SLC20A2: variants seen among roughly 807,000 people sequenced by gnomAD.
The protein encoded by SLC20A2 is solute carrier family 20 member 2.
In SLC20A2, 30 loss-of-function variants were observed where a neutral mutation model predicts 61.0. That is an observed-to-expected ratio of 0.49 (90% CI 0.37 to 0.67). The LOEUF is 0.67. Ranked by LOEUF, SLC20A2 falls within the 30% of genes least tolerant of loss-of-function variation. The pLI is 0.00. For missense variants in SLC20A2, 626 were observed against 866.4 expected, an observed-to-expected ratio of 0.72 and a Z score of 3.48; for synonymous variants, 351 against 353.3, an observed-to-expected ratio of 0.99 and a Z score of 0.07.
intron 1 of SLC20A2, among the ~76,000 whole-genome samples, chr8:42,536,763 T>G (rs773805322): frequency 7.2e-5 from 11 of 152,030 alleles, no homozygotes; most frequent in Non-Finnish European, 1.5e-4. Flanking sequence ...CAATACAACC[T>G]GAAAAAGTGA....
In SLC20A2 at chr8:42,437,602, AT is replaced by A; in HGVS notation, c.935-26del. On this transcript the variant is annotated intron_variant, in intron 7 of 10. Coordinates refer to ENST00000520262, the MANE Select transcript of SLC20A2 (RefSeq NM_001257180.2). This position sits in a 1 kb window ranked among gnomAD's most constrained non-coding sequence, Gnocchi z 6.4. The stretch of plus-strand genomic sequence containing the variant: ...CCTGAAAAGGGTTAGAGAAGGTCTC[AT>A]TTTCCAGTCTTTTTTTTTTTTTTCT... 1 of 1,483,486 alleles carries A rather than the reference AT, an allele frequency of 6.7e-7. No individual in the cohort carries two copies. The allele number at this position is 1,483,486 out of a possible 1,614,324, so 91.9% of individuals were successfully genotyped here. A position where few individuals can be genotyped will look rare whatever the true frequency, so the allele number is the denominator to read the frequency against.
At chr8:42,525,320 C>T (rs1407618925) in intron 1 of SLC20A2, among the ~76,000 whole-genome samples, 1 of 151,994 alleles carries the variant, frequency 6.6e-6, no homozygotes, top group Non-Finnish European at 1.5e-5. Flanking sequence ...GGTGGCTCAC[C>T]CCTGTAATCC....
At chr8:42,525,340 G>A (rs537365799) in intron 1 of SLC20A2, among the ~76,000 whole-genome samples, 2 of 152,224 alleles carry the variant, frequency 1.3e-5, no homozygotes, top group South Asian at 4.2e-4. Flanking sequence ...CCAGCACTTT[G>A]GGAGACCGAG....
chr8:42,525,526 G>A (rs1811869793), intron 1 of SLC20A2, among the ~76,000 whole-genome samples: 1 of 138,772 alleles, frequency 7.2e-6, no homozygotes, highest in Admixed American at 7.8e-5. Flanking sequence ...AGGTTGCGAT[G>A]AGCTGAGATC....
At chr8:42,515,760 T>C (rs1479322630) in intron 1 of SLC20A2, among the ~76,000 whole-genome samples, 1 of 152,224 alleles carries the variant, frequency 6.6e-6, no homozygotes, top group Non-Finnish European at 1.5e-5. Context: ...GGGTCTAAGA[T>C]ACAGGGTTTT....
At chr8:42,451,749 G>A (rs1805686632) in intron 5 of SLC20A2, among the ~76,000 whole-genome samples, 5 of 135,496 alleles carry the variant, frequency 3.7e-5, no homozygotes, top group East Asian at 4.9e-4. Context: ...AAAAGATGGA[G>A]GAGGAGGAGG....
chr8:42,527,917 T>C (rs1174852393), intron 1 of SLC20A2, among the ~76,000 whole-genome samples: 2 of 152,246 alleles, frequency 1.3e-5, no homozygotes, highest in Non-Finnish European at 2.9e-5. Context: ...AACATGTGTA[T>C]GTGTCTATAC....
At chr8:42,475,506 T>C (rs1280318110) in intron 1 of SLC20A2, among the ~76,000 whole-genome samples, 2 of 151,650 alleles carry the variant, frequency 1.3e-5, no homozygotes, top group East Asian at 3.9e-4. Context: ...GCCTCCTGGG[T>C]TCAAGAGATT....
intron 8 of SLC20A2, among the ~76,000 whole-genome samples, chr8:42,432,515 G>A (rs1436542135): frequency 2.0e-5 from 3 of 152,248 alleles, no homozygotes; most frequent in African/African-American, 7.2e-5. Context: ...TCAGAGCAGA[G>A]GCTGGGTGTG....
intron 10 of SLC20A2, among the ~76,000 whole-genome samples, chr8:42,420,105 G>A (rs1677020242): frequency 6.6e-6 from 1 of 151,820 alleles, no homozygotes; most frequent in African/African-American, 2.4e-5. Flanking sequence ...AGAATCGCTT[G>A]AACTGGGGAG....
intron 1 of SLC20A2, among the ~76,000 whole-genome samples, chr8:42,519,300 T>A (rs1261161346): frequency 6.9e-6 from 1 of 145,644 alleles, no homozygotes; most frequent in African/African-American, 2.6e-5. Context: ...AAAAATTAGC[T>A]GGGCATGGTG....
At chr8:42,453,843 G>A (rs978519312) in intron 5 of SLC20A2, among the ~76,000 whole-genome samples, 10 of 152,150 alleles carry the variant, frequency 6.6e-5, no homozygotes, top group Non-Finnish European at 1.2e-4. Flanking sequence ...GGATGACTCA[G>A]GAGTTTCTGG....
rs747638988 is a variant in SLC20A2 at position 42,430,171 on chromosome 8, G to A, written c.1602C>T (p.Val534=). ...GGVTQEAATP[V]WLLFYGGVGI... ...CAACTCCTCCATAAAACAGCAGCCA[G>A]ACGGGTGTAGCTGCTTCTTGCGTTA... Residue 534 remains valine (V), a synonymous_variant, in exon 9 of 11, where the codon GTC becomes GTT. Transcript: ENST00000520262. 4.3e-6 allele frequency: 7 copies of A among 1,614,106 alleles called. No individual in the cohort carries two copies. The Admixed American group carries it at 5.0e-5, about 12-fold the overall frequency.
intron 1 of SLC20A2, among the ~76,000 whole-genome samples, chr8:42,517,994 G>A (rs772667598): frequency 3.9e-5 from 6 of 152,134 alleles, no homozygotes; most frequent in East Asian, 1.9e-4. Flanking sequence ...AGGCTGGAGC[G>A]CAGTGGTGCA....
intron 1 of SLC20A2, among the ~76,000 whole-genome samples, chr8:42,478,858 A>G (rs1808357646): frequency 2.0e-5 from 3 of 151,990 alleles, no homozygotes; most frequent in African/African-American, 7.3e-5. Context: ...CTAGGATGGT[A>G]TATAGATTAT....
At chr8:42,473,997 C>A (rs997531488) in intron 1 of SLC20A2, among the ~76,000 whole-genome samples, 1 of 151,834 alleles carries the variant, frequency 6.6e-6, no homozygotes, top group African/African-American at 2.4e-5. Context: ...ATGGTGAAAC[C>A]CCATCTCTAC....
rs192124627 is a variant in SLC20A2, at chr8:42,418,725, G to A, written c.1795-758C>T. On this transcript the variant is annotated intron_variant, in intron 10 of 10. Transcript: ENST00000520262. ...TTAAAAATAATATTCCCGGCCGTGC[G>A]CGGTGGCTTCCGCCTGTAATCCCAG... Among the ~76,000 whole-genome samples, 421 of 151,744 alleles carry A rather than the reference G, an allele frequency of 2.8e-3. 1 individual carries two copies. Among genetic ancestry groups the A allele is most frequent in the Admixed American group, 7.7e-3 (117 of 15,270 alleles).
At chr8:42,487,526 C>T (rs1809129758) in intron 1 of SLC20A2, among the ~76,000 whole-genome samples, 1 of 152,252 alleles carries the variant, frequency 6.6e-6, no homozygotes, top group Non-Finnish European at 1.5e-5. Flanking sequence ...CCTTCTCTGT[C>T]GGTTCTCCCA....
At chr8:42,482,766 CTGTAATCCCAGCACT>C in intron 1 of SLC20A2, among the ~76,000 whole-genome samples, 1 of 152,072 alleles carries the variant, frequency 6.6e-6, no homozygotes, top group African/African-American at 2.4e-5. Context: ...TGGCTTATGC[CTGTAATCCCAGCACT>C]TTGGGAGCCC....
Sources: allele counts gnomAD v4.1 joint callset (sites outside exome capture counted in the v4.1 genomes callset), GRCh38; gene constraint gnomAD v4.1.1; non-coding constraint Gnocchi (gnomAD v3.1); transcripts MANE v1.5; gene names NCBI Gene and HGNC (gene_info 2026-07-23, HGNC 2026-07-21).